PID1: variants seen among roughly 807,000 people sequenced by gnomAD.
PID1 encodes PTB-containing, cubilin and LRP1-interacting protein.
PID1 carries 10 observed loss-of-function variants against 19.1 expected under a neutral mutation model. That is an observed-to-expected ratio of 0.52 (90% confidence interval 0.32 to 0.89). The LOEUF (loss-of-function observed/expected upper bound fraction) is 0.89, where lower values mean the gene tolerates loss of function less well. Among genes scored for constraint, PID1 ranks in the 40% least tolerant of loss-of-function variants. The pLI is 0.03. For synonymous variants in PID1, 130 were observed against 116.0 expected, an observed-to-expected ratio of 1.12 and a Z score of -0.78; for missense variants, 248 against 285.3, an observed-to-expected ratio of 0.87 and a Z score of 0.94.
intron 2 of PID1, among the ~76,000 whole-genome samples, chr2:229,030,021 GAATA>G (rs897061550): frequency 1.1e-4 from 16 of 152,168 alleles, no homozygotes; most frequent in African/African-American, 3.9e-4. Context: ...ATAGATGAAT[GAATA>G]AACAAAATAC....
intron 1 of PID1, among the ~76,000 whole-genome samples, chr2:229,192,341 G>C (rs1456562152): frequency 6.6e-6 from 1 of 152,088 alleles, no homozygotes; most frequent in African/African-American, 2.4e-5. Flanking sequence ...ACCTGACTGG[G>C]GACCAAAAGA....
chr2:229,201,354 T>A (rs1490932220), intron 1 of PID1, among the ~76,000 whole-genome samples: 1 of 152,088 alleles, frequency 6.6e-6, no homozygotes, highest in Non-Finnish European at 1.5e-5. Context: ...TGTAAGAACT[T>A]CAGAAAAGTG....
At chr2:229,051,626 C>T (rs1348236965) in intron 2 of PID1, among the ~76,000 whole-genome samples, 3 of 152,170 alleles carry the variant, frequency 2.0e-5, no homozygotes, top group Non-Finnish European at 4.4e-5. Context: ...GCATGAGCCA[C>T]CACACCATGG....
chr2:229,085,344 T>C (rs1305630840), intron 2 of PID1, among the ~76,000 whole-genome samples: 1 of 152,140 alleles, frequency 6.6e-6, no homozygotes, highest in East Asian at 1.9e-4. Flanking sequence ...ATCTCATCAA[T>C]TGATTCTAGA....
chr2:229,110,658 T>C (rs1249947186), intron 2 of PID1, among the ~76,000 whole-genome samples: 2 of 152,182 alleles, frequency 1.3e-5, no homozygotes, highest in African/African-American at 4.8e-5. Flanking sequence ...ATGAAAATGG[T>C]TAGATAATAT....
intron 2 of PID1, among the ~76,000 whole-genome samples, chr2:229,028,562 G>T (rs553881322): frequency 6.6e-6 from 1 of 152,254 alleles, no homozygotes; most frequent in Non-Finnish European, 1.5e-5. Context: ...AATACATACA[G>T]AACACCTAAA....
At chr2:229,105,566 T>C (rs76958744) in intron 2 of PID1, among the ~76,000 whole-genome samples, 7,015 of 152,312 alleles carry the variant, frequency 0.046, 235 homozygotes, top group Middle Eastern at 0.092. Context: ...TGGCTTCACC[T>C]GCTGAGTACT....
chr2:229,170,867 G>A (rs961494302), intron 1 of PID1, among the ~76,000 whole-genome samples: 1 of 152,140 alleles, frequency 6.6e-6, no homozygotes, highest in East Asian at 1.9e-4. Flanking sequence ...AATAAATGAG[G>A]ACACAGAGCA....
intron 1 of PID1, among the ~76,000 whole-genome samples, chr2:229,256,906 A>G (rs1466015428): frequency 1.3e-5 from 2 of 152,220 alleles, no homozygotes; most frequent in Non-Finnish European, 2.9e-5. Flanking sequence ...CACAAAATAC[A>G]TATCAGAGGC....
At chr2:229,057,254 ATG>A (rs1434122411) in intron 2 of PID1, among the ~76,000 whole-genome samples, 3 of 152,074 alleles carry the variant, frequency 2.0e-5, no homozygotes, top group Admixed American at 2.0e-4. Flanking sequence ...CCTGGCCAAC[ATG>A]GTGAAACCCC....
intron 2 of PID1, among the ~76,000 whole-genome samples, chr2:229,069,924 A>G (rs564361965): frequency 1.3e-5 from 2 of 152,322 alleles, no homozygotes; most frequent in South Asian, 4.1e-4. Flanking sequence ...AGTTTGACAA[A>G]AGAAGTCAAG....
At chr2:229,063,683 T>C (rs953185443) in intron 2 of PID1, among the ~76,000 whole-genome samples, 1 of 152,080 alleles carries the variant, frequency 6.6e-6, no homozygotes, top group African/African-American at 2.4e-5. Context: ...CCCTGTTGAT[T>C]TTCTGTCTGG....
intron 1 of PID1, among the ~76,000 whole-genome samples, chr2:229,225,865 T>A (rs969777241): frequency 6.6e-6 from 1 of 152,104 alleles, no homozygotes; most frequent in African/African-American, 2.4e-5. Context: ...GAGAACAGCA[T>A]GGAGGTAACC....
At chr2:229,172,418 G>A (rs535438916) in intron 1 of PID1, among the ~76,000 whole-genome samples, 2 of 152,298 alleles carry the variant, frequency 1.3e-5, no homozygotes, top group Non-Finnish European at 2.9e-5. Flanking sequence ...GACGGCTCCA[G>A]GAGAGGCTGC....
intron 2 of PID1, among the ~76,000 whole-genome samples, chr2:229,108,082 T>C (rs1461664083): frequency 1.5e-5 from 2 of 129,596 alleles, no homozygotes; most frequent in Non-Finnish European, 3.7e-5. Context: ...TCTTGAAATT[T>C]AAAACAAGAA....
intron 1 of PID1, among the ~76,000 whole-genome samples, chr2:229,247,945 C>A (rs1315525763): frequency 6.6e-6 from 1 of 152,118 alleles, no homozygotes; most frequent in African/African-American, 2.4e-5. Context: ...CCACCTCCTT[C>A]TCTTACTACT....
intron 1 of PID1, among the ~76,000 whole-genome samples, chr2:229,168,159 G>A (rs1333243356): frequency 6.6e-6 from 1 of 152,110 alleles, no homozygotes; most frequent in African/African-American, 2.4e-5. Flanking sequence ...TTCAGTATTT[G>A]TCATGTTTAG....
At chr2:229,202,334 C>G (rs1180462833) in intron 1 of PID1, among the ~76,000 whole-genome samples, 1 of 152,044 alleles carries the variant, frequency 6.6e-6, no homozygotes, top group Non-Finnish European at 1.5e-5. Flanking sequence ...TTTATTCACT[C>G]CTCTCATTGA....
Position 229,155,907 on chromosome 2 carries a change from G to C in PID1, c.88C>G (p.Leu30Val), listed in dbSNP as rs774601480. The change falls in exon 2 of 3, where the codon CTC becomes GTC. Residue 30 changes from leucine (L) to valine (V), a missense_variant. Physicochemically the swap from Leu to Val is conservative, Grantham distance 32. Coordinates refer to ENST00000392055, the MANE Select transcript of PID1 (RefSeq NM_001100818.2). The part of the protein sequence containing the change: ...LNVLTLKKEP[L>V]PAVIFHEPEA... ...GGCTCATGGAAGATGACCGCTGGGA[G>C]AGGTTCCTTTTTCAGTGTTAAGACA... 3.1e-6 allele frequency: 5 copies of C among 1,613,880 alleles called. No individual in the cohort carries two copies. Among genetic ancestry groups the C allele is most frequent in the Non-Finnish European group, 4.2e-6 (5 of 1,179,980 alleles).
Sources: allele counts gnomAD v4.1 joint callset (sites outside exome capture counted in the v4.1 genomes callset), GRCh38; gene constraint gnomAD v4.1.1; transcripts MANE v1.5; gene names NCBI Gene and HGNC (gene_info 2026-07-23, HGNC 2026-07-21).